The following BDP1 variants were observed in gnomAD, a reference collection of about 807,000 sequenced individuals.
BDP1 encodes transcription factor TFIIIB component B'' homolog.
BDP1 carries 169 observed loss-of-function variants against 266.6 expected under a neutral mutation model. The observed-to-expected ratio is 0.63, with a 90% CI of 0.56 to 0.72. BDP1 has a LOEUF of 0.72. Ranked by LOEUF, BDP1 falls within the 30% of genes least tolerant of loss-of-function variation. The pLI is 0.00. For missense variants in BDP1, 3,015 were observed against 3,053.8 expected, an observed-to-expected ratio of 0.99 and a Z score of 0.30; for synonymous variants, 1,090 against 1,022.4, an observed-to-expected ratio of 1.07 and a Z score of -1.26.
At position 71,509,251 on chromosome 5, in the gene BDP1, G is replaced by GAT. The variant is rs369094618; in HGVS notation, c.2373-201_2373-200dup. Among the ~76,000 whole-genome samples the GAT allele has an allele frequency of 3.1e-3, 474 of 151,428 alleles. 3 individuals carry two copies. The highest frequency in any genetic ancestry group is 7.8e-3 in the Admixed American group (118 of 15,192). The stretch of plus-strand genomic sequence containing the variant: ...GCTTCTATACTGATTGACCTTACTA[G>GAT]ATATATATATATATTTAAACTTATT... On this transcript the variant is annotated intron_variant, in intron 16 of 38. Transcript: ENST00000358731.
At position 71,461,934 on chromosome 5, in the gene BDP1, A is replaced by G. The variant is rs200824019; in HGVS notation, c.599+8A>G. On this transcript the variant is annotated splice_region_variant and intron_variant, in intron 3 of 38. Coordinates refer to ENST00000358731, the MANE Select transcript of BDP1 (RefSeq NM_018429.3). The stretch of plus-strand genomic sequence containing the variant: ...AGATAATAATCCAATGACGTAAGTA[A>G]AATTTATTTCTGCTTTACTATCTCT... 1,150 of 1,340,796 alleles carry G rather than the reference A, an allele frequency of 8.6e-4. 1 individual carries two copies. The highest frequency in any genetic ancestry group is 1.4e-3 in the Admixed American group (74 of 51,124). 83.1% of individuals were successfully genotyped at this position (1,340,796 alleles called of 1,614,324 possible). A position where few individuals can be genotyped will look rare whatever the true frequency, so the allele number is the denominator to read the frequency against.
chr5:71,570,063 T>C (rs1177919393), downstream of BDP1, among the ~76,000 whole-genome samples: 1 of 152,188 alleles, frequency 6.6e-6, no homozygotes, highest in Non-Finnish European at 1.5e-5. Flanking sequence ...ATGATTCTGC[T>C]ATATCCTACT....
chr5:71,524,066 A>G lies in BDP1; in HGVS notation c.5515A>G (p.Asn1839Asp). 1 of 1,614,214 alleles carries G rather than the reference A, an allele frequency of 6.2e-7. No individual in the cohort carries two copies. Among genetic ancestry groups the G allele is most frequent in the Non-Finnish European group, 8.5e-7 (1 of 1,180,046 alleles). ...ERRSHKKFKP[N>D]VTRGRGSKRV... ...GAGAAGTCATAAAAAGTTCAAACCA[A>G]ATGTCACCAGAGGTCGTGGATCAAA... The change falls in exon 25 of 39, where the codon AAT becomes GAT. Residue 1839 changes from asparagine (N) to aspartate (D), a missense_variant. Asn to Asp is a conservative substitution (Grantham distance 23). Transcript: ENST00000358731.
At chr5:71,560,602 G>A (rs969159318) in intron 37 of BDP1, among the ~76,000 whole-genome samples, 3 of 152,174 alleles carry the variant, frequency 2.0e-5, no homozygotes, top group Admixed American at 1.3e-4. Context: ...CCCAAATAAT[G>A]TGTCATTTTT....
chr5:71,564,184 A>G (rs1468883047), intron 38 of BDP1, among the ~76,000 whole-genome samples: 1 of 152,008 alleles, frequency 6.6e-6, no homozygotes, highest in Non-Finnish European at 1.5e-5. Flanking sequence ...GGTTATTTCT[A>G]GTCTTCTGTT....
chr5:71,528,250 G>T (rs1016161472), intron 25 of BDP1, among the ~76,000 whole-genome samples: 2 of 152,140 alleles, frequency 1.3e-5, no homozygotes, highest in African/African-American at 4.8e-5. Context: ...CTCACCAGTC[G>T]TAGCTATGTT....
the BDP1 span, among the ~76,000 whole-genome samples, chr5:71,578,114 A>G: frequency 6.6e-6 from 1 of 152,042 alleles, no homozygotes; most frequent in Non-Finnish European, 1.5e-5. Context: ...GGACATCTAG[A>G]GCCTATTGTT....
chr5:71,515,929 G>T, intron 20 of BDP1, 132 bp from the exon 21 acceptor site: 1 of 605,558 alleles, frequency 1.7e-6, no homozygotes. Context: ...TAATCAGAAA[G>T]CAATTTCCCT....
chr5:71,512,384 T>G lies in BDP1; in HGVS notation c.4203T>G (p.Ile1401Met), dbSNP rs762922880. 2 of 1,587,172 alleles carry G rather than the reference T, an allele frequency of 1.3e-6. No individual in the cohort carries two copies. Among genetic ancestry groups the G allele is most frequent in the Non-Finnish European group, 1.7e-6 (2 of 1,172,780 alleles). Residue 1401 changes from isoleucine to methionine, a missense_variant, in exon 18 of 39, where the codon ATT (isoleucine) becomes ATG (methionine). Physicochemically the swap from Ile to Met is conservative, Grantham distance 10. Coordinates refer to ENST00000358731, the MANE Select transcript of BDP1 (RefSeq NM_018429.3). Reference sequence around the variant, plus strand: ...CTGATAAAACAGAAGTCCAGGGGATTCAATCTCCAGATGTTCCAGAGCAGT... The same window carrying G: ...CTGATAAAACAGAAGTCCAGGGGATGCAATCTCCAGATGTTCCAGAGCAGT... Reference protein sequence around the residue: ...HESDKTEVQGIQSPDVPEQFS... With the variant: ...HESDKTEVQGMQSPDVPEQFS...
At chr5:71,487,183 A>G (rs964917854) in intron 9 of BDP1, among the ~76,000 whole-genome samples, 2 of 152,222 alleles carry the variant, frequency 1.3e-5, no homozygotes, top group South Asian at 2.1e-4. Flanking sequence ...GCTCGGAACT[A>G]TAGGGAACCT....
At chr5:71,571,322 T>G (rs558070999), downstream of BDP1, among the ~76,000 whole-genome samples, 5 of 143,846 alleles carry the variant, frequency 3.5e-5, no homozygotes, top group South Asian at 9.1e-4. Context: ...TACTTATATT[T>G]TTTGTAAAGA....
At chr5:71,576,992 GT>G in the BDP1 span, among the ~76,000 whole-genome samples, 1 of 152,198 alleles carries the variant, frequency 6.6e-6, no homozygotes, top group Admixed American at 6.5e-5. Context: ...TCAATTTACA[GT>G]TTGTGTTTTT....
chr5:71,518,018 G>A lies in BDP1; in HGVS notation c.4991+566G>A, dbSNP rs181702543. On this transcript the variant is annotated intron_variant, in intron 22 of 38. Coordinates refer to ENST00000358731, the MANE Select transcript of BDP1 (RefSeq NM_018429.3). The stretch of plus-strand genomic sequence containing the variant: ...TACTATATTTAGAGGTAACTACATC[G>A]AAGCCAAATGGTAAGAATGATATCT... Among the ~76,000 whole-genome samples the A allele has an allele frequency of 8.6e-4, 131 of 152,274 alleles. No homozygotes were observed. The Middle Eastern group carries it at 0.024, about 28-fold the overall frequency.
chr5:71,537,686 G>A (rs747951573), intron 26 of BDP1: 33 of 166,834 alleles, frequency 2.0e-4, no homozygotes, highest in Non-Finnish European at 3.6e-4. Flanking sequence ...TTTTTCTCTT[G>A]TTTGCACTTT....
chr5:71,551,945 CG>C (rs1223512300), intron 34 of BDP1, among the ~76,000 whole-genome samples: 3 of 144,504 alleles, frequency 2.1e-5, no homozygotes, highest in African/African-American at 8.0e-5. Flanking sequence ...GCTGGCCGGG[CG>C]GGGGGCTGAC....
intron 2 of BDP1, among the ~76,000 whole-genome samples, chr5:71,459,395 C>T (rs1002612243): frequency 1.3e-5 from 2 of 152,036 alleles, no homozygotes; most frequent in East Asian, 3.9e-4. Flanking sequence ...ATCTGTAATC[C>T]CAACTACTGG....
downstream of BDP1, among the ~76,000 whole-genome samples, chr5:71,570,950 C>T (rs528962077): frequency 1.6e-4 from 25 of 152,172 alleles, no homozygotes; most frequent in African/African-American, 6.0e-4. Flanking sequence ...TGAGATTGAG[C>T]CCATCAAGGA....
chr5:71,560,327 G>T, intron 37 of BDP1, 90 bp downstream of exon 37: 1 of 1,342,154 alleles, frequency 7.5e-7, no homozygotes, highest in Non-Finnish European at 1.0e-6. Flanking sequence ...TACTAAGGAT[G>T]GTGTTTAATA....
chr5:71,528,098 G>C (rs1356707701), intron 25 of BDP1, among the ~76,000 whole-genome samples: 1 of 152,114 alleles, frequency 6.6e-6, no homozygotes, highest in Non-Finnish European at 1.5e-5. Flanking sequence ...TGGGATTACA[G>C]GTGTGAGCCA....
Sources: allele counts gnomAD v4.1 joint callset (sites outside exome capture counted in the v4.1 genomes callset), GRCh38; gene constraint gnomAD v4.1.1; transcripts MANE v1.5; gene names NCBI Gene and HGNC (gene_info 2026-07-23, HGNC 2026-07-21).